HDAC9: variants seen among roughly 807,000 people sequenced by gnomAD.
HDAC9 encodes the protein histone deacetylase 9, also known as MEF-2 interacting transcription repressor (MITR) protein.
Under a neutral mutation model 139.4 loss-of-function variants are expected in HDAC9, and 41 were observed. The observed-to-expected ratio is 0.29, with a 90% CI of 0.23 to 0.38. The LOEUF is 0.38. Ranked by LOEUF, HDAC9 falls within the 10% of genes least tolerant of loss-of-function variation. HDAC9 has a pLI of 1.00. For missense variants in HDAC9, 1,147 were observed against 1,297.0 expected (o/e 0.88, Z 1.78); for synonymous variants, 517 against 476.2 (o/e 1.09, Z -1.12).
chr7:18,425,007 G>A (rs1484355449), intron 1 of HDAC9, among the ~76,000 whole-genome samples: 1 of 152,146 alleles, frequency 6.6e-6, no homozygotes. Context: ...TTACTGATGT[G>A]TTTTGTGTCA....
chr7:18,346,209 CA>C (rs1562900343), intron 1 of HDAC9, among the ~76,000 whole-genome samples: 1 of 151,986 alleles, frequency 6.6e-6, no homozygotes, highest in Non-Finnish European at 1.5e-5. Flanking sequence ...GCAAAAAACC[CA>C]AAATGTTTCT....
chr7:18,435,059 CAA>C (rs376786180), intron 1 of HDAC9, among the ~76,000 whole-genome samples: 39 of 67,798 alleles, frequency 5.8e-4, no homozygotes, highest in African/African-American at 2.1e-3. Context: ...ACTACACAGC[CAA>C]AAAAAAAAAA....
At chr7:18,742,747 A>C (rs541584431) in intron 13 of HDAC9, among the ~76,000 whole-genome samples, 2 of 152,090 alleles carry the variant, frequency 1.3e-5, no homozygotes, top group South Asian at 2.1e-4. Context: ...GTTTGTATTC[A>C]ATAGCGCTGA....
intron 2 of HDAC9, among the ~76,000 whole-genome samples, chr7:18,230,531 A>G (rs1793383734): frequency 6.6e-6 from 1 of 152,184 alleles, no homozygotes; most frequent in Non-Finnish European, 1.5e-5. Context: ...ATCACCCGAA[A>G]TGACCTATTA....
At position 18,257,401 on chromosome 7, in the gene HDAC9, C is replaced by CACA. The variant is rs1795338037; in HGVS notation, c.25+95052_25+95053insACA. The stretch of plus-strand genomic sequence containing the variant: ...CTCTCTCTCTCTCTCTCTGTCTCTC[C>CACA]CACACACACACACACACACACACAC... On this transcript the variant is annotated intron_variant, in intron 2 of 12. Transcript: ENST00000417496. 2.7e-3 allele frequency among the ~76,000 whole-genome samples: 352 copies of CACA among 130,936 alleles called. 3 individuals are homozygous for CACA. Among genetic ancestry groups the CACA allele is most frequent in the African/African-American group, 9.8e-3 (337 of 34,550 alleles). 85.9% of individuals were successfully genotyped at this position (130,936 alleles called of 152,430 possible).
At chr7:18,804,095 G>C (rs1793515449) in intron 17 of HDAC9, among the ~76,000 whole-genome samples, 1 of 152,226 alleles carries the variant, frequency 6.6e-6, no homozygotes, top group Non-Finnish European at 1.5e-5. Flanking sequence ...AAGAGAGCTA[G>C]AGGAAGGCTG....
chr7:18,235,304 C>G (rs1306090799), intron 2 of HDAC9, among the ~76,000 whole-genome samples: 1 of 151,846 alleles, frequency 6.6e-6, no homozygotes, highest in Non-Finnish European at 1.5e-5. Flanking sequence ...GGAAATATAC[C>G]TCCGAGAGAC....
chr7:18,506,568 A>AT (rs58357233), intron 2 of HDAC9, among the ~76,000 whole-genome samples: 79 of 147,122 alleles, frequency 5.4e-4, no homozygotes, highest in Middle Eastern at 7.2e-3. Context: ...CAATTTCTCA[A>AT]TTTTTTTTTT....
At chr7:18,326,122 G>A (rs978105960) in intron 1 of HDAC9, among the ~76,000 whole-genome samples, 2 of 152,060 alleles carry the variant, frequency 1.3e-5, no homozygotes, top group African/African-American at 4.8e-5. Context: ...TGACACAGCA[G>A]AAATGAAATT....
chr7:18,398,324 CT>C (rs1391599687), intron 1 of HDAC9, among the ~76,000 whole-genome samples: 1 of 152,102 alleles, frequency 6.6e-6, no homozygotes, highest in Non-Finnish European at 1.5e-5. Flanking sequence ...CAGATTTTAA[CT>C]GATGTCTTTG....
intron 23 of HDAC9, among the ~76,000 whole-genome samples, chr7:18,940,153 G>A (rs1192178758): frequency 6.6e-6 from 1 of 152,056 alleles, no homozygotes; most frequent in Admixed American, 6.6e-5. Flanking sequence ...AGCAGGAACC[G>A]TTAGCTGTGC....
intron 12 of HDAC9, among the ~76,000 whole-genome samples, chr7:18,693,657 C>G (rs1782828306): frequency 6.6e-6 from 1 of 152,140 alleles, no homozygotes; most frequent in Admixed American, 6.6e-5. Context: ...TTCAAGTAGA[C>G]TGGGATTTCA....
At chr7:18,912,905 A>G (rs977051115) in intron 22 of HDAC9, among the ~76,000 whole-genome samples, 2 of 152,080 alleles carry the variant, frequency 1.3e-5, no homozygotes, top group Non-Finnish European at 2.9e-5. Flanking sequence ...GCACCTTGAA[A>G]TGTATGTTCT....
intron 17 of HDAC9, among the ~76,000 whole-genome samples, chr7:18,824,159 G>A (rs1795237414): frequency 6.6e-6 from 1 of 152,084 alleles, no homozygotes; most frequent in South Asian, 2.1e-4. Flanking sequence ...CAGATGAAAG[G>A]CACTTGAGGG....
At chr7:18,583,480 G>A (rs965216718) in intron 2 of HDAC9, among the ~76,000 whole-genome samples, 1 of 151,910 alleles carries the variant, frequency 6.6e-6, no homozygotes, top group Non-Finnish European at 1.5e-5. Flanking sequence ...CAGAACTTGG[G>A]AGCTCAGGCA....
At chr7:18,184,179 A>C (rs1296229180) in intron 2 of HDAC9, among the ~76,000 whole-genome samples, 1 of 152,124 alleles carries the variant, frequency 6.6e-6, no homozygotes, top group Non-Finnish European at 1.5e-5. Context: ...CAGGCAGATC[A>C]CCTGAGGTTG....
chr7:18,835,740 G>A (rs1796190717), intron 20 of HDAC9, 154 bp downstream of exon 20: 2 of 1,123,056 alleles, frequency 1.8e-6, no homozygotes, highest in Admixed American at 3.7e-5. Context: ...TGCAGAACAA[G>A]TGCATAACCC....
At chr7:18,629,503 C>T in intron 7 of HDAC9, 22 bp downstream of exon 7, 2 of 1,599,564 alleles carry the variant, frequency 1.3e-6, no homozygotes, top group South Asian at 2.2e-5. Context: ...CTGGGCAGAC[C>T]TATGAATGCT....
upstream of HDAC9, among the ~76,000 whole-genome samples, chr7:18,494,307 T>C (rs17347842): frequency 0.016 from 2,490 of 152,164 alleles, 35 homozygotes; most frequent in Non-Finnish European, 0.026. Flanking sequence ...AACGTGCTTA[T>C]TTCTTCCCTT....
Sources: allele counts gnomAD v4.1 joint callset (sites outside exome capture counted in the v4.1 genomes callset), GRCh38; gene constraint gnomAD v4.1.1; transcripts MANE v1.5; gene names NCBI Gene and HGNC (gene_info 2026-07-23, HGNC 2026-07-21).